Variants in GALNT13 observed in about 807,000 individuals in gnomAD.
GALNT13 encodes the protein UDP-GalNAc:polypeptide N-acetylgalactosaminyltransferase 13.
A neutral mutation model predicts 64.2 loss-of-function variants in GALNT13; 28 were observed. The ratio of observed to expected loss-of-function variants is 0.44; its 90% CI spans 0.32 to 0.60. The LOEUF (loss-of-function observed/expected upper bound fraction) is 0.60. GALNT13 is among the 20% of genes least tolerant of loss of function. The pLI, the probability that GALNT13 is intolerant of heterozygous loss-of-function variation, is 0.05. For synonymous variants in GALNT13, 214 were observed against 224.6 expected (o/e 0.95, Z 0.42); for missense variants, 577 against 669.8 (o/e 0.86, Z 1.53).
the GALNT13 span, among the ~76,000 whole-genome samples, chr2:153,514,781 T>A: frequency 6.6e-6 from 1 of 152,184 alleles, no homozygotes; most frequent in African/African-American, 2.4e-5. Flanking sequence ...GCTTCCTCCA[T>A]GCTTTTGGAT....
intron 8 of GALNT13, among the ~76,000 whole-genome samples, chr2:154,289,851 C>A (rs1261458123): frequency 6.6e-6 from 1 of 152,214 alleles, no homozygotes; most frequent in Non-Finnish European, 1.5e-5. Context: ...GTTTGTCCCA[C>A]TTATTCTGTC....
chr2:153,718,667 A>C, the GALNT13 span, among the ~76,000 whole-genome samples: 1 of 152,124 alleles, frequency 6.6e-6, no homozygotes, highest in East Asian at 1.9e-4. Flanking sequence ...ACGGAGCATT[A>C]GAAGATTGAG....
chr2:153,426,518 G>A, the GALNT13 span, among the ~76,000 whole-genome samples: 1 of 151,786 alleles, frequency 6.6e-6, no homozygotes, highest in Non-Finnish European at 1.5e-5. Flanking sequence ...TCATCTTTAC[G>A]GTCTCAAGAA....
the GALNT13 span, among the ~76,000 whole-genome samples, chr2:153,122,331 T>C: frequency 6.6e-6 from 1 of 152,098 alleles, no homozygotes; most frequent in South Asian, 2.1e-4. Flanking sequence ...AAATTTTTGT[T>C]GCTATTTTTT....
At chr2:153,934,364 A>C (rs1308264704) in intron 2 of GALNT13, among the ~76,000 whole-genome samples, 1 of 152,182 alleles carries the variant, frequency 6.6e-6, no homozygotes, top group African/African-American at 2.4e-5. Flanking sequence ...AGACACACAT[A>C]CATATTTCCT....
At chr2:153,626,207 T>G in the GALNT13 span, among the ~76,000 whole-genome samples, 2 of 152,190 alleles carry the variant, frequency 1.3e-5, no homozygotes, top group South Asian at 4.1e-4. Context: ...AATATAAATT[T>G]ACTCATGGAG....
In GALNT13 at chr2:154,237,595, A is replaced by G. The variant is rs1573932920; in HGVS notation, c.312-4435A>G. On this transcript the variant is annotated intron_variant, in intron 4 of 12. Transcript: ENST00000392825. Reference sequence around the variant, plus strand: ...TATAATATATAGTATAACATATAGTATAAAGGTTTTTTTACACAAAACTTT... The same window carrying G: ...TATAATATATAGTATAACATATAGTGTAAAGGTTTTTTTACACAAAACTTT... 2.0e-5 allele frequency among the ~76,000 whole-genome samples: 3 copies of G among 148,946 alleles called. No individual in the cohort carries two copies. In the East Asian group the frequency reaches 5.9e-4, roughly 29 times the overall value.
chr2:153,440,360 T>A, the GALNT13 span, among the ~76,000 whole-genome samples: 4 of 152,168 alleles, frequency 2.6e-5, no homozygotes, highest in East Asian at 5.8e-4. Context: ...TTGGTGGGCA[T>A]TTGGGTTGGT....
the GALNT13 span, among the ~76,000 whole-genome samples, chr2:153,608,557 A>G: frequency 6.6e-6 from 1 of 151,356 alleles, no homozygotes; most frequent in Non-Finnish European, 1.5e-5. Flanking sequence ...GTTGCCTGAT[A>G]ATATCAAAAG....
chr2:153,728,316 C>G, the GALNT13 span, among the ~76,000 whole-genome samples: 4 of 152,198 alleles, frequency 2.6e-5, no homozygotes, highest in African/African-American at 9.6e-5. Context: ...TGAGGAATCA[C>G]CACACTGTCT....
At chr2:153,980,057 T>C (rs1694356578) in intron 3 of GALNT13, among the ~76,000 whole-genome samples, 1 of 152,172 alleles carries the variant, frequency 6.6e-6, no homozygotes, top group Admixed American at 6.5e-5. Context: ...AATTGTGATA[T>C]ATATGATAGC....
chr2:153,864,262 A>C, the GALNT13 span, among the ~76,000 whole-genome samples: 1 of 152,146 alleles, frequency 6.6e-6, no homozygotes, highest in Non-Finnish European at 1.5e-5. Context: ...GTTTTTTCCT[A>C]ATTCTTTGAC....
At chr2:154,148,817 G>C (rs202041490) in intron 4 of GALNT13, among the ~76,000 whole-genome samples, 53 of 152,108 alleles carry the variant, frequency 3.5e-4, no homozygotes, top group Non-Finnish European at 6.0e-4. Flanking sequence ...ATTGTAGATT[G>C]TGGATATTAG....
intron 10 of GALNT13, 22 bp from the exon 11 acceptor site, chr2:154,408,962 C>T: frequency 1.4e-6 from 2 of 1,419,256 alleles, no homozygotes; most frequent in Non-Finnish European, 9.9e-7. Flanking sequence ...TTTATCCCCC[C>T]CCTTTTGTGT....
rs78032227 is a variant in GALNT13 at position 154,012,483 on chromosome 2, T to C, written c.142+67844T>C. 5.8e-3 allele frequency among the ~76,000 whole-genome samples: 889 copies of C among 152,284 alleles called. 8 individuals carry two copies. The highest frequency in any genetic ancestry group is 0.02 in the African/African-American group (826 of 41,562). On this transcript the variant is annotated intron_variant, in intron 3 of 12. Transcript: ENST00000392825. ...CTTTGTAGGTGACCTGCCCCTTCTC[T>C]CTAGCTGCCTTTATTTTTTCTTTCA... is the stretch of plus-strand genomic sequence containing the variant.
chr2:153,345,542 G>A, the GALNT13 span, among the ~76,000 whole-genome samples: 2 of 151,940 alleles, frequency 1.3e-5, no homozygotes, highest in Admixed American at 6.6e-5. Flanking sequence ...ATTCAGTAGG[G>A]GGCATACTTA....
At chr2:153,516,564 C>G in the GALNT13 span, among the ~76,000 whole-genome samples, 1 of 151,956 alleles carries the variant, frequency 6.6e-6, no homozygotes, top group Non-Finnish European at 1.5e-5. Context: ...TGTCTGGTTT[C>G]TTCTGTTTCC....
At chr2:153,544,542 G>T in the GALNT13 span, among the ~76,000 whole-genome samples, 2 of 152,140 alleles carry the variant, frequency 1.3e-5, no homozygotes, top group African/African-American at 4.8e-5. Flanking sequence ...ACAAAGTGGA[G>T]AATCAATTTA....
the GALNT13 span, among the ~76,000 whole-genome samples, chr2:153,334,514 C>T: frequency 3.2e-4 from 48 of 152,176 alleles, 1 homozygote; most frequent in Middle Eastern, 3.4e-3. Context: ...GCTTCTACTG[C>T]AGCATTCACC....
Sources: allele counts gnomAD v4.1 joint callset (sites outside exome capture counted in the v4.1 genomes callset), GRCh38; gene constraint gnomAD v4.1.1; transcripts MANE v1.5; gene names NCBI Gene and HGNC (gene_info 2026-07-23, HGNC 2026-07-21).